Variants in SH3D19 observed in about 807,000 individuals in gnomAD.
The protein encoded by SH3D19 is SH3 domain containing 19.
In SH3D19, 58 loss-of-function variants were observed where a neutral mutation model predicts 112.1. The observed-to-expected ratio is 0.52, with a 90% CI of 0.42 to 0.64. The LOEUF (loss-of-function observed/expected upper bound fraction) is 0.64. Ranked by LOEUF, SH3D19 falls within the 30% of genes least tolerant of loss-of-function variation. The pLI, the probability that SH3D19 is intolerant of heterozygous loss-of-function variation, is 0.00. For missense variants in SH3D19, 1,090 were observed against 1,263.4 expected, an observed-to-expected ratio of 0.86 and a Z score of 2.08; for synonymous variants, 391 against 448.5, an observed-to-expected ratio of 0.87 and a Z score of 1.62.
intron 8 of SH3D19, among the ~76,000 whole-genome samples, chr4:151,160,936 G>A (rs1405410593): frequency 6.6e-6 from 1 of 152,130 alleles, no homozygotes; most frequent in Non-Finnish European, 1.5e-5. Flanking sequence ...CCATCTTGAA[G>A]ATATTTTCTG....
intron 9 of SH3D19, among the ~76,000 whole-genome samples, chr4:151,155,097 T>G (rs1401855396): frequency 2.0e-5 from 3 of 152,198 alleles, no homozygotes; most frequent in African/African-American, 7.2e-5. Flanking sequence ...CAAAGTCCAT[T>G]ACATATGATG....
At chr4:151,303,195 G>A (rs956216838) in intron 1 of SH3D19, among the ~76,000 whole-genome samples, 1 of 152,124 alleles carries the variant, frequency 6.6e-6, no homozygotes, top group African/African-American at 2.4e-5. Context: ...TTTGCTTTTC[G>A]AGTGATTATA....
At chr4:151,230,641 C>T (rs745360001) in intron 1 of SH3D19, among the ~76,000 whole-genome samples, 37 of 150,860 alleles carry the variant, frequency 2.5e-4, no homozygotes, top group Non-Finnish European at 4.6e-4. Flanking sequence ...CACTCTGTCA[C>T]CCAGGCTGGA....
At chr4:151,283,039 T>C in intron 1 of SH3D19, 1 of 1,362,578 alleles carries the variant, frequency 7.3e-7, no homozygotes, top group Non-Finnish European at 1.0e-6. Flanking sequence ...ATTCAGAGAC[T>C]TCTGCACATC....
intron 1 of SH3D19, among the ~76,000 whole-genome samples, chr4:151,271,863 C>A (rs1019069998): frequency 6.6e-6 from 1 of 152,000 alleles, no homozygotes; most frequent in Non-Finnish European, 1.5e-5. Context: ...TATTATTATT[C>A]CTATTTTGCA....
chr4:151,132,790 C>A (rs1750999673), intron 16 of SH3D19, among the ~76,000 whole-genome samples: 1 of 152,188 alleles, frequency 6.6e-6, no homozygotes, highest in African/African-American at 2.4e-5. Flanking sequence ...TCTGAGCCAT[C>A]ATACCCAGCC....
chr4:151,219,244 T>C lies in SH3D19; in HGVS notation c.152+6803A>G, dbSNP rs143249506. Among the ~76,000 whole-genome samples, 485 of 152,324 alleles carry C rather than the reference T, an allele frequency of 3.2e-3. 1 individual carries two copies. The highest frequency in any genetic ancestry group is 0.01 in the Middle Eastern group (3 of 294). ...CCCCTGCCATCCTCTTGGTGATGTC[T>C]GATCACCCTGGTCTGACTTCAGCAA... On this transcript the variant is annotated intron_variant, in intron 2 of 19. Transcript: ENST00000604030.
intron 1 of SH3D19, among the ~76,000 whole-genome samples, chr4:151,284,669 ATT>A (rs1244558274): frequency 1.3e-5 from 2 of 152,140 alleles, no homozygotes; most frequent in Non-Finnish European, 2.9e-5. Flanking sequence ...ATATCTAATC[ATT>A]TTGGAATATA....
chr4:151,250,165 C>CAA (rs1351919085), intron 1 of SH3D19, among the ~76,000 whole-genome samples: 2 of 151,914 alleles, frequency 1.3e-5, no homozygotes, highest in Non-Finnish European at 2.9e-5. Flanking sequence ...CACAAGTACT[C>CAA]AAAAAGAGGG....
chr4:151,312,996 T>A (rs1395194948), intron 1 of SH3D19, among the ~76,000 whole-genome samples: 1 of 148,454 alleles, frequency 6.7e-6, no homozygotes, highest in Non-Finnish European at 1.5e-5. Context: ...GGCTGAGGTA[T>A]GGGAATCACT....
intron 2 of SH3D19, among the ~76,000 whole-genome samples, chr4:151,206,367 CAAT>C (rs1765114276): frequency 6.6e-6 from 1 of 152,026 alleles, no homozygotes; most frequent in Admixed American, 6.6e-5. Context: ...GAAGACAAAA[CAAT>C]AAAGTCTTCT....
rs544462279 is a variant in SH3D19 at position 151,145,166 on chromosome 4, G to T, written c.2083-1116C>A. 1.6e-4 allele frequency among the ~76,000 whole-genome samples: 25 copies of T among 152,268 alleles called. 1 individual carries two copies. The highest frequency in any genetic ancestry group is 6.8e-3 in the Middle Eastern group (2 of 294). On this transcript the variant is annotated intron_variant, in intron 11 of 19. Coordinates refer to ENST00000604030, the MANE Select transcript of SH3D19 (RefSeq NM_001378122.1). ...GCATGCAATAAATGAAAGATTTGAA[G>T]AATTATTTTGTAATGAGACATACAG...
chr4:151,255,053 C>A (rs548526955), intron 1 of SH3D19, among the ~76,000 whole-genome samples: 4 of 144,626 alleles, frequency 2.8e-5, no homozygotes, highest in African/African-American at 5.2e-5. Context: ...ACCTCCCGGA[C>A]GGGGCGGCTG....
chr4:151,131,149 C>CT (rs1188991719), intron 17 of SH3D19, among the ~76,000 whole-genome samples: 1 of 151,438 alleles, frequency 6.6e-6, no homozygotes, highest in African/African-American at 2.4e-5. Flanking sequence ...TTTTTCATAG[C>CT]TTTAGAATAT....
At chr4:151,246,918 T>A (rs1480558224) in intron 1 of SH3D19, among the ~76,000 whole-genome samples, 3 of 152,210 alleles carry the variant, frequency 2.0e-5, no homozygotes, top group Admixed American at 2.0e-4. Context: ...CAGTTAATAC[T>A]GAATGGCACA....
At position 151,226,037 on chromosome 4, in the gene SH3D19, A is replaced by C; in HGVS notation, c.152+10T>G. The stretch of plus-strand genomic sequence containing the variant: ...TTTATACAGAATTATTAGATACTGT[A>C]AATTCATACCTTGAAGAACGATGTT... On this transcript the variant is annotated intron_variant, in intron 2 of 19. Transcript: ENST00000604030. 1 of 1,230,242 alleles carries C rather than the reference A, an allele frequency of 8.1e-7. No individual in the cohort carries two copies. 76.2% of individuals were successfully genotyped at this position (1,230,242 alleles called of 1,614,324 possible).
In SH3D19 at chr4:151,122,114, T is replaced by G; in HGVS notation, c.3121A>C (p.Ile1041Leu). 6.3e-7 allele frequency: 1 copy of G among 1,595,880 alleles called. No homozygotes were observed. Among genetic ancestry groups the G allele is most frequent in the Admixed American group, 1.7e-5 (1 of 59,972 alleles). Residue 1041 changes from isoleucine (I) to leucine (L), a missense_variant, in exon 20 of 20, where the codon ATA (isoleucine) becomes CTA (leucine). Coordinates refer to ENST00000604030, the MANE Select transcript of SH3D19 (RefSeq NM_001378122.1). ...GKSGIFPKNY[I>L]QFLQIS ...CTCTAGCTGATCTGTAGAAACTGTA[T>G]GTAGTTTTTGGGAAATATTCCAGAT...
chr4:151,122,168 C>T lies in SH3D19; in HGVS notation c.3067G>A (p.Asp1023Asn). 1 of 1,610,418 alleles carries T rather than the reference C, an allele frequency of 6.2e-7. No homozygotes were observed. The highest frequency in any genetic ancestry group is 8.5e-7 in the Non-Finnish European group (1 of 1,176,870). ...CCCATAAGTTCTCCACTCATCCAGT[C>T]ATCATCTACAGATTCCAGCTCTGTT... ...IITELESVDDDWMSGELMGKS... is the reference protein window; with the variant it reads ...IITELESVDDNWMSGELMGKS... Residue 1023 changes from aspartate to asparagine, a missense_variant, in exon 20 of 20, where the codon GAC (aspartate) becomes AAC (asparagine). Transcript: ENST00000604030.
At chr4:151,237,367 T>C (rs17633648) in intron 1 of SH3D19, among the ~76,000 whole-genome samples, 8,288 of 152,304 alleles carry the variant, frequency 0.054, 349 homozygotes, top group East Asian at 0.19. Flanking sequence ...TTAGGTTAAT[T>C]TGTACATCTC....
Sources: allele counts gnomAD v4.1 joint callset (sites outside exome capture counted in the v4.1 genomes callset), GRCh38; gene constraint gnomAD v4.1.1; transcripts MANE v1.5; gene names NCBI Gene and HGNC (gene_info 2026-07-23, HGNC 2026-07-21).